Variants in PRCP observed in about 807,000 individuals in gnomAD.
PRCP encodes prolylcarboxypeptidase.
PRCP carries 46 observed loss-of-function variants against 54.2 expected under a neutral mutation model. The observed-to-expected ratio is 0.85, with a 90% CI of 0.67 to 1.09. The LOEUF is 1.09. PRCP is among the 50% of genes least tolerant of loss of function. The pLI is 0.00. For synonymous variants in PRCP, 240 were observed against 212.2 expected, an observed-to-expected ratio of 1.13 and a Z score of -1.14; for missense variants, 613 against 596.8, an observed-to-expected ratio of 1.03 and a Z score of -0.28.
chr11:82,897,109 A>G (rs1300399344), intron 1 of PRCP, among the ~76,000 whole-genome samples: 2 of 152,160 alleles, frequency 1.3e-5, no homozygotes, highest in African/African-American at 4.8e-5. Flanking sequence ...CACTGATACC[A>G]CACATACTAC....
intron 2 of PRCP, 85 bp from the exon 3 acceptor site, chr11:82,853,363 T>C (rs1324905795): frequency 4.7e-6 from 5 of 1,063,712 alleles, no homozygotes; most frequent in Admixed American, 2.7e-5. Flanking sequence ...ATGGAATAGA[T>C]GTTAAGCCAG....
intron 1 of PRCP, among the ~76,000 whole-genome samples, chr11:82,880,472 T>C (rs1269068920): frequency 6.6e-6 from 1 of 152,228 alleles, no homozygotes. Flanking sequence ...GGGAATTCCC[T>C]GACCCCTTGC....
At chr11:82,853,054 T>C in intron 3 of PRCP, 123 bp downstream of exon 3, 2 of 615,876 alleles carry the variant, frequency 3.2e-6, no homozygotes, top group Non-Finnish European at 2.7e-6. Context: ...AACTATTAAA[T>C]ATAAACTATT....
intron 1 of PRCP, among the ~76,000 whole-genome samples, chr11:82,860,995 T>G (rs1013367587): frequency 6.6e-6 from 1 of 152,130 alleles, no homozygotes; most frequent in African/African-American, 2.4e-5. Flanking sequence ...TTTAATAAAT[T>G]GAACGTAAAA....
chr11:82,892,628 G>A (rs1218226457), intron 1 of PRCP, among the ~76,000 whole-genome samples: 67 of 152,174 alleles, frequency 4.4e-4, no homozygotes. Flanking sequence ...CTGAATGATG[G>A]TATCAATAAA....
At chr11:82,893,380 A>G (rs796414147) in intron 1 of PRCP, among the ~76,000 whole-genome samples, 23 of 152,356 alleles carry the variant, frequency 1.5e-4, no homozygotes, top group African/African-American at 5.5e-4. Context: ...GGATAATACA[A>G]GCAAGCTAAT....
chr11:82,824,916 T>G lies in PRCP; in HGVS notation c.1481A>C (p.Lys494Thr). Residue 494 changes from lysine to threonine, a missense_variant, in exon 9 of 9, where the codon AAG becomes ACG. Transcript: ENST00000313010. ...WIRDFYDSAG[K>T]QH is the part of the protein sequence containing the mutation. ...ACAATCAAAAGTTTCTCAGTGCTGCTTTCCCGCACTGTCATAGAAATCTCT... is the reference window on the plus strand; with the variant it reads ...ACAATCAAAAGTTTCTCAGTGCTGCGTTCCCGCACTGTCATAGAAATCTCT... 6.2e-7 allele frequency: 1 copy of G among 1,613,768 alleles called. No homozygotes were observed. Among genetic ancestry groups the G allele is most frequent in the South Asian group, 1.1e-5 (1 of 91,014 alleles).
chr11:82,856,256 C>G (rs1198102827), intron 2 of PRCP, among the ~76,000 whole-genome samples: 1 of 152,176 alleles, frequency 6.6e-6, no homozygotes, highest in Non-Finnish European at 1.5e-5. Context: ...ATCAAAGACA[C>G]AGAATCAACC....
intron 1 of PRCP, among the ~76,000 whole-genome samples, chr11:82,861,634 G>A (rs1190625863): frequency 1.3e-5 from 2 of 151,960 alleles, no homozygotes; most frequent in African/African-American, 4.8e-5. Flanking sequence ...CCAGCCTTTA[G>A]ATCTAATTTC....
intron 1 of PRCP, among the ~76,000 whole-genome samples, chr11:82,888,751 G>A (rs946344594): frequency 1.3e-5 from 2 of 152,196 alleles, no homozygotes; most frequent in Non-Finnish European, 2.9e-5. Context: ...AAGGATGTGA[G>A]ACAGCTAGGA....
chr11:82,826,068 T>C (rs1251901109), intron 8 of PRCP: 1 of 152,226 alleles, frequency 6.6e-6, no homozygotes, highest in Non-Finnish European at 1.5e-5. Context: ...CAATCCATTT[T>C]AGAACACTTT....
intron 1 of PRCP, among the ~76,000 whole-genome samples, chr11:82,878,036 G>A (rs961499807): frequency 1.3e-5 from 2 of 152,214 alleles, no homozygotes; most frequent in African/African-American, 4.8e-5. Flanking sequence ...ACCTGGATGT[G>A]AGACCTGGAG....
intron 2 of PRCP, among the ~76,000 whole-genome samples, chr11:82,859,683 A>G (rs772279030): frequency 6.6e-6 from 1 of 152,180 alleles, no homozygotes; most frequent in Non-Finnish European, 1.5e-5. Context: ...GAAAAATACA[A>G]TAAAATAAAA....
intron 1 of PRCP, among the ~76,000 whole-genome samples, chr11:82,880,289 AC>A (rs1296224162): frequency 3.9e-5 from 6 of 152,192 alleles, no homozygotes; most frequent in Admixed American, 2.0e-4. Flanking sequence ...TGGATCTCAG[AC>A]TGCTGTGCTA....
At chr11:82,846,785 A>G (rs149020185) in intron 6 of PRCP, among the ~76,000 whole-genome samples, 130 of 152,366 alleles carry the variant, frequency 8.5e-4, no homozygotes, top group African/African-American at 3.0e-3. Flanking sequence ...CACATGTAAG[A>G]CTGAACAGCA....
intron 1 of PRCP, among the ~76,000 whole-genome samples, chr11:82,869,885 G>C (rs933225071): frequency 3.0e-4 from 46 of 152,304 alleles, no homozygotes; most frequent in African/African-American, 1.1e-3. Flanking sequence ...GAGAACCCAA[G>C]CCTTAAATCT....
chr11:82,891,507 C>G (rs1285795431), intron 1 of PRCP, among the ~76,000 whole-genome samples: 1 of 152,214 alleles, frequency 6.6e-6, no homozygotes, highest in Non-Finnish European at 1.5e-5. Context: ...TCATCTCATT[C>G]TGATTTACGG....
intron 6 of PRCP, among the ~76,000 whole-genome samples, chr11:82,843,809 C>T (rs1858733209): frequency 6.6e-6 from 1 of 152,066 alleles, no homozygotes; most frequent in South Asian, 2.1e-4. Context: ...ACCAAGAGAG[C>T]ACCATATAAT....
intron 6 of PRCP, among the ~76,000 whole-genome samples, chr11:82,844,437 A>G (rs900859689): frequency 1.1e-4 from 17 of 151,946 alleles, no homozygotes; most frequent in African/African-American, 2.4e-4. Context: ...AAAAATAAAT[A>G]AAAGAAAGAA....
Sources: gnomAD v4.1 joint callset for allele counts (sites outside exome capture counted in the v4.1 genomes callset) on GRCh38, gnomAD v4.1.1 for gene constraint, MANE v1.5 for transcripts, NCBI Gene and HGNC (gene_info 2026-07-23, HGNC 2026-07-21) for gene names.